The following GRIP2 variants were observed in gnomAD, a reference collection of about 807,000 sequenced individuals.
GRIP2 encodes the protein glutamate receptor-interacting protein 2.
In GRIP2, 58 loss-of-function variants were observed where a neutral mutation model predicts 108.3. That is an observed-to-expected ratio of 0.54 (90% CI 0.43 to 0.67). GRIP2 has a LOEUF of 0.67. GRIP2 is among the 30% of genes least tolerant of loss of function. The pLI, the probability that GRIP2 is intolerant of heterozygous loss-of-function variation, is 0.00. For missense variants in GRIP2, 1,278 were observed against 1,430.6 expected (o/e 0.89, Z 1.72); for synonymous variants, 586 against 598.2 (o/e 0.98, Z 0.30).
At chr3:14,563,166 A>G in the GRIP2 span, among the ~76,000 whole-genome samples, 2 of 152,202 alleles carry the variant, frequency 1.3e-5, no homozygotes, top group African/African-American at 4.8e-5. Flanking sequence ...AATTGCACGC[A>G]GACTGGGTAC....
chr3:14,511,441 C>T lies in GRIP2; in HGVS notation c.1759G>A (p.Asp587Asn), dbSNP rs776592638. Reference protein sequence around the residue: ...RKRGEPLIISDIKKGSVAHRT... With the variant: ...RKRGEPLIISNIKKGSVAHRT... ...TGTGCCACGCTGCCTTTCTTGATGTCGGAGATGATCAAGGGCTCCCCTCGT... is the reference window on the plus strand; with the variant it reads ...TGTGCCACGCTGCCTTTCTTGATGTTGGAGATGATCAAGGGCTCCCCTCGT... The change falls in exon 15 of 24, where the codon GAC becomes AAC. Residue 587 changes from aspartate to asparagine, a missense_variant. Transcript: ENST00000621039. The surrounding 1 kb of genome is among the most constrained non-coding windows in gnomAD (Gnocchi z 4.1). 31 of 1,613,752 alleles carry T rather than the reference C, an allele frequency of 1.9e-5. No individual in the cohort carries two copies. Among genetic ancestry groups the T allele is most frequent in the East Asian group, 1.1e-4 (5 of 44,890 alleles).
the GRIP2 span, among the ~76,000 whole-genome samples, chr3:14,602,769 C>A: frequency 6.6e-6 from 1 of 151,848 alleles, no homozygotes; most frequent in Non-Finnish European, 1.5e-5. The surrounding 1 kb of genome is among the most constrained non-coding windows in gnomAD (Gnocchi z 4.7). Flanking sequence ...CTTTGGGACC[C>A]CCTCCTGCGC....
At chr3:14,519,998 T>C (rs1694358740) in intron 9 of GRIP2, 112 bp downstream of exon 9, 3 of 1,028,832 alleles carry the variant, frequency 2.9e-6, no homozygotes, top group Non-Finnish European at 2.8e-6. Context: ...TGAGGATTTG[T>C]CCTAGTACAT....
chr3:14,580,194 A>C, the GRIP2 span, among the ~76,000 whole-genome samples: 1 of 152,084 alleles, frequency 6.6e-6, no homozygotes. Flanking sequence ...ATTTACAAGT[A>C]GTCCATGGAG....
chr3:14,596,941 C>T, the GRIP2 span, among the ~76,000 whole-genome samples: 1 of 152,174 alleles, frequency 6.6e-6, no homozygotes, highest in Non-Finnish European at 1.5e-5. Flanking sequence ...CAAGGTCTTG[C>T]CATGTTGCCC....
In GRIP2 at chr3:14,522,092, G is replaced by A; in HGVS notation, c.567-305C>T. 2.9e-6 allele frequency: 1 copy of A among 342,982 alleles called. No individual in the cohort carries two copies. The highest frequency in any genetic ancestry group is 5.6e-5 in the South Asian group (1 of 17,970). 21.2% of individuals were successfully genotyped at this position (342,982 alleles called of 1,614,324 possible). Reference sequence around the variant, plus strand: ...AGAACCCTGAAATGTCTGAGCTGGGGGTGCTCTTCAAGCGTCACCCCCAAC... The same window carrying A: ...AGAACCCTGAAATGTCTGAGCTGGGAGTGCTCTTCAAGCGTCACCCCCAAC... On this transcript the variant is annotated intron_variant, in intron 6 of 23. Transcript: ENST00000621039. This position sits in a 1 kb window ranked among gnomAD's most constrained non-coding sequence, Gnocchi z 4.3.
upstream of GRIP2, among the ~76,000 whole-genome samples, chr3:14,559,944 AT>A (rs1300050158): frequency 6.6e-6 from 1 of 152,064 alleles, no homozygotes; most frequent in East Asian, 1.9e-4. Flanking sequence ...GCCAGTTATG[AT>A]TTGATGATTT....
At chr3:14,510,757 C>T (rs1341445161) in intron 16 of GRIP2, among the ~76,000 whole-genome samples, 2 of 152,158 alleles carry the variant, frequency 1.3e-5, no homozygotes, top group African/African-American at 4.8e-5. Context: ...ATTTATATCA[C>T]TATCTGGCGT....
At chr3:14,542,454 A>G (rs1029584405), upstream of GRIP2, among the ~76,000 whole-genome samples, 45 of 150,350 alleles carry the variant, frequency 3.0e-4, no homozygotes, top group African/African-American at 9.9e-4. Context: ...AAGATTGGCA[A>G]TTGGAAGCCT....
At chr3:14,602,936 G>C in the GRIP2 span, among the ~76,000 whole-genome samples, 1 of 149,302 alleles carries the variant, frequency 6.7e-6, no homozygotes, top group South Asian at 2.1e-4. The surrounding 1 kb of genome is among the most constrained non-coding windows in gnomAD (Gnocchi z 4.7). Flanking sequence ...ACCTTCGTCC[G>C]GCAGCCGCTG....
At chr3:14,585,042 T>C in the GRIP2 span, among the ~76,000 whole-genome samples, 775 of 152,336 alleles carry the variant, frequency 5.1e-3, 1 homozygote, top group Non-Finnish European at 8.7e-3. Flanking sequence ...TGTGGTTTTT[T>C]GAGATGGAGT....
At chr3:14,599,707 GTGTGTT>G in the GRIP2 span, among the ~76,000 whole-genome samples, 21 of 149,340 alleles carry the variant, frequency 1.4e-4, no homozygotes, top group African/African-American at 5.1e-4. Context: ...GTGTGTGTGT[GTGTGTT>G]TGTGTGTGTG....
the GRIP2 span, among the ~76,000 whole-genome samples, chr3:14,594,738 T>C: frequency 2.0e-5 from 3 of 152,258 alleles, no homozygotes; most frequent in African/African-American, 7.2e-5. Flanking sequence ...CCTTAGCTGC[T>C]GTGTGCCCTC....
At chr3:14,568,669 G>A in the GRIP2 span, among the ~76,000 whole-genome samples, 20 of 152,330 alleles carry the variant, frequency 1.3e-4, no homozygotes, top group African/African-American at 4.1e-4. Flanking sequence ...GAGCAAAACT[G>A]GGAAGGGGTC....
At chr3:14,499,174 A>T (rs1693698716) in intron 21 of GRIP2, among the ~76,000 whole-genome samples, 1 of 152,208 alleles carries the variant, frequency 6.6e-6, no homozygotes, top group Non-Finnish European at 1.5e-5. Context: ...ACAATAGTGC[A>T]GAAACACTGA....
At position 14,505,728 on chromosome 3, in the gene GRIP2, C is replaced by A; in HGVS notation, c.2460G>T (p.Trp820Cys). Residue 820 changes from tryptophan (W) to cysteine (C), a missense_variant, in exon 20 of 24, where the codon TGG becomes TGT. Transcript: ENST00000621039. The surrounding 1 kb of genome is among the most constrained non-coding windows in gnomAD (Gnocchi z 4.2). The part of the protein sequence containing the change: ...GTTPQERRPG[W>C]LRGSPPPTEP... ...CGGTGGGTGGGGGGCTGCCCCTCAG[C>A]CAGCCAGGCCTCCGCTCCTGGGGGG... is the stretch of plus-strand genomic sequence containing the variant. 6.3e-7 allele frequency: 1 copy of A among 1,586,980 alleles called. No homozygotes were observed. The highest frequency in any genetic ancestry group is 8.6e-7 in the Non-Finnish European group (1 of 1,166,824).
the GRIP2 span, among the ~76,000 whole-genome samples, chr3:14,565,607 C>T: frequency 6.6e-6 from 1 of 152,198 alleles, no homozygotes; most frequent in South Asian, 2.1e-4. Flanking sequence ...CAGGGTTGTG[C>T]CACAGGATGA....
At chr3:14,538,098 C>CTTCT (rs1694876186) in intron 1 of GRIP2, among the ~76,000 whole-genome samples, 4 of 152,114 alleles carry the variant, frequency 2.6e-5, no homozygotes, top group Non-Finnish European at 5.9e-5. Context: ...AGGGACCCAC[C>CTTCT]CAGAGTCCAT....
At position 14,525,490 on chromosome 3, in the gene GRIP2, G is replaced by T; in HGVS notation, c.204C>A (p.Asp68Glu). Reference protein sequence around the residue: ...TLGLTISGGTDKDGKPRVSNL... With the variant: ...TLGLTISGGTEKDGKPRVSNL... ...TGGAGACCCTGGGCTTTCCATCCTT[G>T]TCGGTGCCACCTGAGATAGTCAGGC... The change falls in exon 3 of 24, where the codon GAC becomes GAA. Residue 68 changes from aspartate (D) to glutamate (E), a missense_variant. Coordinates refer to ENST00000621039, the MANE Select transcript of GRIP2 (RefSeq NM_001080423.4). 5.0e-6 allele frequency: 8 copies of T among 1,613,616 alleles called. No homozygotes were observed. The highest frequency in any genetic ancestry group is 6.8e-6 in the Non-Finnish European group (8 of 1,179,836).
Sources: allele counts gnomAD v4.1 joint callset (sites outside exome capture counted in the v4.1 genomes callset), GRCh38; gene constraint gnomAD v4.1.1; non-coding constraint Gnocchi (gnomAD v3.1); transcripts MANE v1.5; gene names NCBI Gene and HGNC (gene_info 2026-07-23, HGNC 2026-07-21).